AGBL4: variants seen among roughly 807,000 people sequenced by gnomAD.
The protein encoded by AGBL4 is cytosolic carboxypeptidase 6.
A neutral mutation model predicts 66.4 loss-of-function variants in AGBL4; 58 were observed. The ratio of observed to expected loss-of-function variants is 0.87; its 90% confidence interval spans 0.71 to 1.09. The LOEUF (loss-of-function observed/expected upper bound fraction) is 1.09. Ranked by LOEUF, AGBL4 falls within the 50% of genes least tolerant of loss-of-function variation. The pLI, the probability that AGBL4 is intolerant of heterozygous loss-of-function variation, is 0.00. For missense variants in AGBL4, 579 were observed against 631.0 expected (o/e 0.92, Z 0.88); for synonymous variants, 234 against 222.9 (o/e 1.05, Z -0.44).
chr1:49,987,543 G>A (rs1344296407), intron 1 of AGBL4, among the ~76,000 whole-genome samples: 2 of 151,906 alleles, frequency 1.3e-5, no homozygotes, highest in Non-Finnish European at 2.9e-5. Flanking sequence ...AAATAGCAAC[G>A]TAACAACAAA....
chr1:49,241,602 C>T (rs1327429068), intron 4 of AGBL4, among the ~76,000 whole-genome samples: 1 of 151,968 alleles, frequency 6.6e-6, no homozygotes, highest in Non-Finnish European at 1.5e-5. Context: ...AGCTATGAGA[C>T]TATGAAACAT....
intron 5 of AGBL4, among the ~76,000 whole-genome samples, chr1:48,930,049 T>C (rs1259717523): frequency 1.3e-5 from 2 of 152,138 alleles, no homozygotes; most frequent in Non-Finnish European, 2.9e-5. Flanking sequence ...CTCGTTTTTC[T>C]AGGCCTAGAT....
At chr1:49,482,899 AG>A (rs2148729329) in intron 3 of AGBL4, among the ~76,000 whole-genome samples, 1 of 152,202 alleles carries the variant, frequency 6.6e-6, no homozygotes, top group Non-Finnish European at 1.5e-5. Flanking sequence ...ATTCAGGAGC[AG>A]GTTATTCAAT....
At chr1:48,818,272 C>T (rs2148766715) in intron 6 of AGBL4, 1 of 717,330 alleles carries the variant, frequency 1.4e-6, no homozygotes, top group African/African-American at 1.7e-5. Flanking sequence ...TCAATATTAT[C>T]TCCGTGGCAT....
intron 3 of AGBL4, among the ~76,000 whole-genome samples, chr1:49,602,014 C>T (rs775929635): frequency 6.6e-6 from 1 of 152,092 alleles, no homozygotes; most frequent in Admixed American, 6.5e-5. Context: ...AAGAAAAAAA[C>T]AACCCCATCA....
At position 48,681,713 on chromosome 1, in the gene AGBL4, G is replaced by A. The variant is rs533352325; in HGVS notation, c.635-18472C>T. Among the ~76,000 whole-genome samples the A allele has an allele frequency of 3.5e-4, 54 of 152,308 alleles. No individual in the cohort carries two copies. In the South Asian group the frequency reaches 5.0e-3, roughly 14 times the overall value. ...TAACAATCCCAAAACAGTAGACCCG[G>A]TCCAGGGACAGGGGCTCTCAGCTCA... On this transcript the variant is annotated intron_variant, in intron 6 of 13. Transcript: ENST00000371839.
intron 4 of AGBL4, among the ~76,000 whole-genome samples, chr1:49,048,639 T>A (rs553428625): frequency 6.6e-6 from 1 of 152,268 alleles, no homozygotes; most frequent in South Asian, 2.1e-4. Context: ...AAAAAACGTC[T>A]CCTTCATTTG....
intron 6 of AGBL4, among the ~76,000 whole-genome samples, chr1:48,689,394 T>C (rs1646589604): frequency 1.3e-5 from 2 of 150,118 alleles, no homozygotes; most frequent in Admixed American, 1.3e-4. Context: ...CCTACCTACC[T>C]ACCTACCTAC....
intron 1 of AGBL4, among the ~76,000 whole-genome samples, chr1:50,005,449 T>C (rs1328523145): frequency 6.6e-6 from 1 of 152,162 alleles, no homozygotes; most frequent in Non-Finnish European, 1.5e-5. Context: ...TGCCCCCAAA[T>C]GCACATATAG....
At chr1:49,403,013 A>G (rs374445485) in intron 3 of AGBL4, among the ~76,000 whole-genome samples, 3 of 152,226 alleles carry the variant, frequency 2.0e-5, no homozygotes, top group African/African-American at 7.2e-5. Flanking sequence ...CATTTGGTCT[A>G]TAGAGGATAT....
At chr1:49,840,752 T>C (rs964910663) in intron 2 of AGBL4, among the ~76,000 whole-genome samples, 2 of 152,182 alleles carry the variant, frequency 1.3e-5, no homozygotes, top group Admixed American at 6.5e-5. Flanking sequence ...AAAAATCATA[T>C]GACCATCTCA....
At chr1:49,487,409 T>C (rs1647091413) in intron 3 of AGBL4, among the ~76,000 whole-genome samples, 1 of 151,910 alleles carries the variant, frequency 6.6e-6, no homozygotes, top group Non-Finnish European at 1.5e-5. Flanking sequence ...AATCCCCACA[T>C]GTCAAGAACA....
At chr1:49,720,530 T>C (rs1035351925) in intron 2 of AGBL4, among the ~76,000 whole-genome samples, 3 of 152,180 alleles carry the variant, frequency 2.0e-5, no homozygotes, top group African/African-American at 7.2e-5. Context: ...AATTTGTTTG[T>C]ACAGAATAGT....
downstream of AGBL4, among the ~76,000 whole-genome samples, chr1:48,531,645 A>T (rs1178720555): frequency 2.6e-5 from 4 of 152,112 alleles, no homozygotes; most frequent in African/African-American, 4.8e-5. Context: ...AATCCAGGAG[A>T]GGTAATAAAC....
chr1:49,634,833 T>G (rs1335618246), intron 3 of AGBL4, among the ~76,000 whole-genome samples: 1 of 152,192 alleles, frequency 6.6e-6, no homozygotes, highest in Non-Finnish European at 1.5e-5. Context: ...GTGGTTCTAG[T>G]AAGTTAAGGC....
chr1:49,632,605 C>T (rs1645592550), intron 3 of AGBL4, among the ~76,000 whole-genome samples: 1 of 152,132 alleles, frequency 6.6e-6, no homozygotes, highest in Non-Finnish European at 1.5e-5. Flanking sequence ...TTTAGCTCTC[C>T]CTACACAAAG....
intron 2 of AGBL4, among the ~76,000 whole-genome samples, chr1:49,777,252 A>G (rs1221243220): frequency 6.6e-6 from 1 of 152,058 alleles, no homozygotes; most frequent in Non-Finnish European, 1.5e-5. Context: ...AATCATTTAG[A>G]CCCATAAAAG....
chr1:48,658,789 G>A (rs1646060334), intron 7 of AGBL4, among the ~76,000 whole-genome samples: 1 of 152,156 alleles, frequency 6.6e-6, no homozygotes, highest in South Asian at 2.1e-4. Flanking sequence ...GTATGAAGCT[G>A]TGCTTGGTCC....
intron 4 of AGBL4, among the ~76,000 whole-genome samples, chr1:49,149,222 C>T (rs940394006): frequency 1.3e-5 from 2 of 152,186 alleles, no homozygotes; most frequent in African/African-American, 2.4e-5. Flanking sequence ...CCAGAAGTAG[C>T]TGTCCCTATC....
Sources: gnomAD v4.1 joint callset for allele counts (sites outside exome capture counted in the v4.1 genomes callset) on GRCh38, gnomAD v4.1.1 for gene constraint, MANE v1.5 for transcripts, NCBI Gene and HGNC (gene_info 2026-07-23, HGNC 2026-07-21) for gene names.